Variants in EPHA6 observed in about 807,000 individuals in gnomAD.
EPHA6 encodes the protein EPH receptor A6, also known as ephrin type-A receptor 6.
A neutral mutation model predicts 112.0 loss-of-function variants in EPHA6; 50 were observed. The observed-to-expected ratio is 0.45, with a 90% CI of 0.36 to 0.56. The LOEUF (loss-of-function observed/expected upper bound fraction) is 0.56. Among genes scored for constraint, EPHA6 ranks in the 20% least tolerant of loss-of-function variants. EPHA6 has a pLI of 0.00. For synonymous variants in EPHA6, 529 were observed against 490.7 expected (o/e 1.08, Z -1.03); for missense variants, 1,280 against 1,417.4 (o/e 0.90, Z 1.56).
intron 3 of EPHA6, among the ~76,000 whole-genome samples, chr3:97,181,247 G>A (rs976785383): frequency 6.6e-6 from 1 of 152,132 alleles, no homozygotes; most frequent in Non-Finnish European, 1.5e-5. Context: ...ACAGGGTGGA[G>A]AAGGGTGGCT....
At chr3:97,536,400 T>C (rs1420042544) in intron 11 of EPHA6, among the ~76,000 whole-genome samples, 4 of 152,060 alleles carry the variant, frequency 2.6e-5, no homozygotes, top group African/African-American at 9.7e-5. Context: ...CAGCAACAAC[T>C]AAATTTAGAT....
Position 97,754,440 on chromosome 3 carries a change from A to G in EPHA6, c.*5739A>G, listed in dbSNP as rs751018303. Among the ~76,000 whole-genome samples, 1 of 152,212 alleles carries G rather than the reference A, an allele frequency of 6.6e-6. No individual in the cohort carries two copies. The highest frequency in any genetic ancestry group is 1.5e-5 in the Non-Finnish European group (1 of 68,034). On this transcript the variant is annotated 3_prime_UTR_variant, in exon 18 of 18. Coordinates refer to ENST00000389672, the MANE Select transcript of EPHA6 (RefSeq NM_001080448.3). ...TTGGATTCTTTGCTCTTAATTCAAA[A>G]GAGTTTTTGTTTTATTAGCATTTAC...
chr3:97,073,042 G>T (rs1298994482), intron 3 of EPHA6, among the ~76,000 whole-genome samples: 1 of 152,120 alleles, frequency 6.6e-6, no homozygotes, highest in Non-Finnish European at 1.5e-5. Context: ...ACAGCAAAGT[G>T]CCCCCTCCCG....
At chr3:97,525,492 T>C (rs1051681581) in intron 10 of EPHA6, among the ~76,000 whole-genome samples, 29 of 152,200 alleles carry the variant, frequency 1.9e-4, no homozygotes, top group African/African-American at 6.8e-4. Context: ...TTTGTACATC[T>C]CTTTTTTGGT....
intron 5 of EPHA6, among the ~76,000 whole-genome samples, chr3:97,354,774 A>G (rs2083983473): frequency 6.6e-6 from 1 of 152,206 alleles, no homozygotes; most frequent in African/African-American, 2.4e-5. Flanking sequence ...AACACCAAGC[A>G]GGTTTAACCC....
At chr3:97,465,508 C>T (rs777353334) in intron 7 of EPHA6, among the ~76,000 whole-genome samples, 7 of 151,946 alleles carry the variant, frequency 4.6e-5, no homozygotes, top group Non-Finnish European at 8.8e-5. Flanking sequence ...AGAATAGTCT[C>T]CCATTGAATC....
intron 3 of EPHA6, among the ~76,000 whole-genome samples, chr3:97,107,055 G>C (rs998965082): frequency 1.3e-5 from 2 of 151,990 alleles, no homozygotes; most frequent in Admixed American, 6.6e-5. Context: ...ATCATTATAG[G>C]TATTTAAAGG....
intron 3 of EPHA6, among the ~76,000 whole-genome samples, chr3:97,187,372 C>T (rs1349575093): frequency 6.6e-6 from 1 of 151,838 alleles, no homozygotes; most frequent in African/African-American, 2.4e-5. Context: ...GAGTTCAAGA[C>T]CAACCTGGTC....
At chr3:97,199,664 A>G (rs576155727) in intron 3 of EPHA6, among the ~76,000 whole-genome samples, 2 of 152,190 alleles carry the variant, frequency 1.3e-5, no homozygotes, top group African/African-American at 4.8e-5. Flanking sequence ...TTGAGAAAAC[A>G]TAGTTATTAT....
At chr3:97,514,133 T>C (rs1424425324) in intron 10 of EPHA6, among the ~76,000 whole-genome samples, 1 of 152,172 alleles carries the variant, frequency 6.6e-6, no homozygotes, top group East Asian at 1.9e-4. Flanking sequence ...AAATCCAAAA[T>C]CAGATTCACT....
chr3:96,902,069 G>A lies in EPHA6; in HGVS notation c.450+35180G>A, dbSNP rs944992229. Among the ~76,000 whole-genome samples, 6 of 152,260 alleles carry A rather than the reference G, an allele frequency of 3.9e-5. No individual in the cohort carries two copies. The East Asian group carries it at 1.2e-3, about 29-fold the overall frequency. ...AACTTATTACTAATTTACAGTGTCA[G>A]CCTATTATGTTGCTAATAAGAAAGA... On this transcript the variant is annotated intron_variant, in intron 2 of 17. Transcript: ENST00000389672.
At chr3:97,142,357 A>C (rs2075931362) in intron 3 of EPHA6, among the ~76,000 whole-genome samples, 1 of 151,988 alleles carries the variant, frequency 6.6e-6, no homozygotes, top group Non-Finnish European at 1.5e-5. Context: ...CACTGGCAGC[A>C]AGCTGTGCTT....
intron 6 of EPHA6, among the ~76,000 whole-genome samples, chr3:97,426,832 C>T (rs950232860): frequency 3.3e-5 from 5 of 152,088 alleles, no homozygotes; most frequent in Admixed American, 3.3e-4. Context: ...CTATAAGGAA[C>T]TTACACAAAT....
intron 3 of EPHA6, among the ~76,000 whole-genome samples, chr3:97,005,388 G>T (rs1191770777): frequency 6.6e-6 from 1 of 152,104 alleles, no homozygotes; most frequent in Non-Finnish European, 1.5e-5. Context: ...ATTGTGAATG[G>T]GAGTTCATTC....
intron 12 of EPHA6, among the ~76,000 whole-genome samples, chr3:97,610,048 CAG>C (rs2093706781): frequency 6.6e-6 from 1 of 151,472 alleles, no homozygotes; most frequent in African/African-American, 2.4e-5. Flanking sequence ...GGAACTATAA[CAG>C]TGTACCAATT....
intron 10 of EPHA6, among the ~76,000 whole-genome samples, chr3:97,513,102 A>T (rs996278178): frequency 2.0e-5 from 3 of 152,202 alleles, no homozygotes; most frequent in Admixed American, 2.0e-4. Context: ...TTCATTAAGT[A>T]ACATTATTTA....
chr3:97,619,504 A>G (rs2093796017), intron 13 of EPHA6, among the ~76,000 whole-genome samples: 2 of 151,486 alleles, frequency 1.3e-5, no homozygotes, highest in South Asian at 2.1e-4. Flanking sequence ...ACATGATCCT[A>G]TATCTACAAA....
chr3:97,107,395 T>C (rs1328148347), intron 3 of EPHA6, among the ~76,000 whole-genome samples: 1 of 151,988 alleles, frequency 6.6e-6, no homozygotes, highest in East Asian at 1.9e-4. Context: ...TGTCTGTTTA[T>C]ACTTTTGTTA....
chr3:97,336,209 G>T (rs1186782967), intron 5 of EPHA6, among the ~76,000 whole-genome samples: 2 of 152,128 alleles, frequency 1.3e-5, no homozygotes, highest in Non-Finnish European at 2.9e-5. Context: ...TTGAGAAAGA[G>T]CTGTTATCAG....
Sources: gnomAD v4.1 joint callset for allele counts (sites outside exome capture counted in the v4.1 genomes callset) on GRCh38, gnomAD v4.1.1 for gene constraint, MANE v1.5 for transcripts, NCBI Gene and HGNC (gene_info 2026-07-23, HGNC 2026-07-21) for gene names.